SPAG16: variants seen among roughly 807,000 people sequenced by gnomAD.
The protein encoded by SPAG16 is sperm associated antigen 16.
A neutral mutation model predicts 80.4 loss-of-function variants in SPAG16; 86 were observed. The ratio of observed to expected loss-of-function variants is 1.07; its 90% CI spans 0.90 to 1.28. The LOEUF (loss-of-function observed/expected upper bound fraction) is 1.28. Among genes scored for constraint, SPAG16 ranks in the 50% most tolerant of loss-of-function variants. The probability of loss-of-function intolerance (pLI) is 0.00; values close to 1 mark genes in which losing one functional copy is unlikely to be tolerated. For synonymous variants in SPAG16, 294 were observed against 265.9 expected, an observed-to-expected ratio of 1.11 and a Z score of -1.03; for missense variants, 870 against 765.3, an observed-to-expected ratio of 1.14 and a Z score of -1.61.
At chr2:214,176,917 G>A (rs543584141) in intron 15 of SPAG16, among the ~76,000 whole-genome samples, 5 of 150,766 alleles carry the variant, frequency 3.3e-5, no homozygotes, top group Admixed American at 6.7e-5. Flanking sequence ...CTTTATTAAC[G>A]TATCTCCGGA....
At chr2:213,862,740 C>G in intron 11 of SPAG16, 112 bp downstream of exon 11, 3 of 1,173,448 alleles carry the variant, frequency 2.6e-6, no homozygotes, top group Admixed American at 4.5e-5. Context: ...CAACAACACA[C>G]CCTGCACTGA....
chr2:214,019,350 C>T (rs1456300433), intron 13 of SPAG16, among the ~76,000 whole-genome samples: 1 of 151,908 alleles, frequency 6.6e-6, no homozygotes, highest in East Asian at 1.9e-4. Context: ...AGTAATACAT[C>T]TATGAGTTGT....
At chr2:214,339,837 G>C (rs567274255) in intron 15 of SPAG16, among the ~76,000 whole-genome samples, 2 of 152,114 alleles carry the variant, frequency 1.3e-5, no homozygotes, top group South Asian at 4.1e-4. Flanking sequence ...AAGGGGTTTT[G>C]TAGATGTCAT....
In SPAG16 at chr2:213,317,212, A is replaced by T; in HGVS notation, c.399-7A>T. ...GATATAAACCCTTTTGTTTGATTTT[A>T]TCCTAGGTATGAGTTAATACAGAAA... is the stretch of plus-strand genomic sequence containing the variant. On this transcript the variant is annotated splice_polypyrimidine_tract_variant and splice_region_variant and intron_variant, in intron 4 of 15. Coordinates refer to ENST00000331683, the MANE Select transcript of SPAG16 (RefSeq NM_024532.5). 1 of 1,549,534 alleles carries T rather than the reference A, an allele frequency of 6.5e-7. No homozygotes were observed. Among genetic ancestry groups the T allele is most frequent in the South Asian group, 1.2e-5 (1 of 82,294 alleles).
At chr2:213,501,574 G>A (rs1034059294) in intron 10 of SPAG16, among the ~76,000 whole-genome samples, 22 of 152,260 alleles carry the variant, frequency 1.4e-4, no homozygotes, top group African/African-American at 5.1e-4. Context: ...TATGTCTTAA[G>A]ACCTGCTCTG....
intron 9 of SPAG16, among the ~76,000 whole-genome samples, chr2:213,378,201 A>G (rs1427517245): frequency 1.3e-5 from 2 of 152,050 alleles, no homozygotes; most frequent in African/African-American, 4.8e-5. Flanking sequence ...GCCCACCCAG[A>G]TTAAGGGTGG....
At chr2:213,781,713 C>G (rs559364824) in intron 10 of SPAG16, among the ~76,000 whole-genome samples, 1 of 152,260 alleles carries the variant, frequency 6.6e-6, no homozygotes, top group South Asian at 2.1e-4. Flanking sequence ...TCTAGAACTT[C>G]TGAAATCACA....
intron 15 of SPAG16, among the ~76,000 whole-genome samples, chr2:214,262,506 C>T (rs11685344): frequency 6.6e-6 from 1 of 151,968 alleles, no homozygotes; most frequent in African/African-American, 2.4e-5. Flanking sequence ...CACAGACTAA[C>T]TAAAATAAAC....
chr2:213,361,163 A>C (rs184727248), intron 7 of SPAG16, among the ~76,000 whole-genome samples: 1 of 152,110 alleles, frequency 6.6e-6, no homozygotes, highest in African/African-American at 2.4e-5. Flanking sequence ...ACAGTGAATC[A>C]ACATTTATTT....
chr2:214,390,861 C>A (rs190857878), intron 15 of SPAG16, among the ~76,000 whole-genome samples: 1 of 152,094 alleles, frequency 6.6e-6, no homozygotes, highest in East Asian at 1.9e-4. Flanking sequence ...AGAGACAAGG[C>A]CATGTACAAA....
At chr2:214,211,363 A>G (rs1040991271) in intron 15 of SPAG16, among the ~76,000 whole-genome samples, 8 of 152,330 alleles carry the variant, frequency 5.3e-5, no homozygotes, top group Admixed American at 3.3e-4. Flanking sequence ...GGTCAGGCCC[A>G]CAAAAGTCCA....
chr2:213,729,440 T>C (rs907586742), intron 10 of SPAG16, among the ~76,000 whole-genome samples: 1 of 152,200 alleles, frequency 6.6e-6, no homozygotes, highest in African/African-American at 2.4e-5. Flanking sequence ...CATCAGTGAG[T>C]ATTATTATAA....
At chr2:214,249,525 A>T (rs1474948949) in intron 15 of SPAG16, among the ~76,000 whole-genome samples, 2 of 152,134 alleles carry the variant, frequency 1.3e-5, no homozygotes, top group African/African-American at 4.8e-5. Flanking sequence ...AATGAATAAC[A>T]TGTCAACAAA....
chr2:213,654,007 A>G (rs551248324), intron 10 of SPAG16, among the ~76,000 whole-genome samples: 1 of 152,298 alleles, frequency 6.6e-6, no homozygotes, highest in South Asian at 2.1e-4. Flanking sequence ...TTTGAGAATA[A>G]TAAAATTTGT....
At chr2:213,980,725 T>TATATATATATATATATATATATAGAG (rs374274176) in intron 12 of SPAG16, among the ~76,000 whole-genome samples, 2 of 104,028 alleles carry the variant, frequency 1.9e-5, no homozygotes, top group African/African-American at 5.0e-5. Flanking sequence ...TATATATATA[T>TATATATATATATATATATATATAGAG]AGAGAGAGAG....
chr2:213,838,861 A>G (rs1044449230), intron 10 of SPAG16, among the ~76,000 whole-genome samples: 2 of 152,172 alleles, frequency 1.3e-5, no homozygotes, highest in Non-Finnish European at 2.9e-5. Context: ...TAACCCACTT[A>G]GTTTTGGCTT....
intron 6 of SPAG16, among the ~76,000 whole-genome samples, chr2:213,344,311 C>T (rs6435768): frequency 0.97 from 148,293 of 152,216 alleles, 72,347 homozygotes; most frequent in East Asian, 1. Flanking sequence ...CACTTCACAG[C>T]GTTGGCTATC....
chr2:214,348,880 A>G (rs1294958959), intron 15 of SPAG16, among the ~76,000 whole-genome samples: 1 of 152,210 alleles, frequency 6.6e-6, no homozygotes, highest in Non-Finnish European at 1.5e-5. Context: ...ACACAGTGAT[A>G]CATAACCAGA....
chr2:213,611,000 A>T (rs2061424308), intron 10 of SPAG16, among the ~76,000 whole-genome samples: 1 of 152,182 alleles, frequency 6.6e-6, no homozygotes, highest in South Asian at 2.1e-4. Flanking sequence ...GGCCAGGAAC[A>T]CCTTTCTTCC....
Sources: allele counts gnomAD v4.1 joint callset (sites outside exome capture counted in the v4.1 genomes callset), GRCh38; gene constraint gnomAD v4.1.1; transcripts MANE v1.5; gene names NCBI Gene and HGNC (gene_info 2026-07-23, HGNC 2026-07-21).